Variants in ASXL2 observed in about 807,000 individuals in gnomAD.
ASXL2 encodes putative Polycomb group protein ASXL2.
Under a neutral mutation model 122.0 loss-of-function variants are expected in ASXL2, and 23 were observed. The observed-to-expected ratio is 0.19, with a 90% CI of 0.14 to 0.27. ASXL2 has a LOEUF of 0.27. Among genes scored for constraint, ASXL2 ranks in the 10% least tolerant of loss-of-function variants. ASXL2 has a pLI of 1.00. For missense variants in ASXL2, 1,518 were observed against 1,713.8 expected (o/e 0.89, Z 2.02); for synonymous variants, 650 against 637.0 (o/e 1.02, Z -0.31).
intron 1 of ASXL2, chr2:25,856,808 C>T: frequency 1.7e-6 from 2 of 1,158,804 alleles, no homozygotes; most frequent in Admixed American, 1.8e-5. Flanking sequence ...TGGTGACTGT[C>T]AGGTCATCCC....
chr2:25,870,350 C>T (rs996504028), intron 1 of ASXL2, among the ~76,000 whole-genome samples: 4 of 152,088 alleles, frequency 2.6e-5, no homozygotes, highest in Admixed American at 6.5e-5. Context: ...TGGTGAAACC[C>T]CATCTCTACT....
chr2:25,853,171 C>T (rs1015253707), intron 1 of ASXL2, among the ~76,000 whole-genome samples: 16 of 152,060 alleles, frequency 1.1e-4, no homozygotes, highest in Admixed American at 5.9e-4. Flanking sequence ...GTACTAGTTC[C>T]GATTTGATAC....
chr2:25,749,799 C>T lies in ASXL2; in HGVS notation c.1757G>A (p.Arg586His), dbSNP rs1315401967. ...CTGGTGCTGGCGATTCTCAGTGACA[C>T]GTGGCCTCTTCTCCCAGCTCACAGG... ...EAPVSWEKRPRVTENRQHQQP... is the reference protein window; with the variant it reads ...EAPVSWEKRPHVTENRQHQQP... The change falls in exon 12 of 13, where the codon CGT (arginine) becomes CAT (histidine). Residue 586 changes from arginine (R) to histidine (H), a missense_variant. Physicochemically the swap from Arg to His is conservative, Grantham distance 29. Transcript: ENST00000435504. The T allele has an allele frequency of 3.1e-6, 5 of 1,609,144 alleles. No homozygotes were observed. The highest frequency in any genetic ancestry group is 1.3e-5 in the African/African-American group (1 of 74,604).
chr2:25,864,477 T>C (rs1407098695), intron 1 of ASXL2, among the ~76,000 whole-genome samples: 1 of 152,136 alleles, frequency 6.6e-6, no homozygotes, highest in Non-Finnish European at 1.5e-5. Context: ...TTAAGACTTT[T>C]AGTGGCAGGT....
At position 25,765,282 on chromosome 2, in the gene ASXL2, A is replaced by G. The variant is rs376276164; in HGVS notation, c.775+2301T>C. On this transcript the variant is annotated intron_variant, in intron 8 of 12. Coordinates refer to ENST00000435504, the MANE Select transcript of ASXL2 (RefSeq NM_018263.6). Reference sequence around the variant, plus strand: ...GGGCAGATCACGAGGTCAGGAGATCAAGACCATCCTGGCTAACACAGTGAA... The same window carrying G: ...GGGCAGATCACGAGGTCAGGAGATCGAGACCATCCTGGCTAACACAGTGAA... 1.9e-3 allele frequency among the ~76,000 whole-genome samples: 294 copies of G among 152,146 alleles called. 7 individuals carry two copies. In the South Asian group the frequency reaches 0.036, roughly 18 times the overall value.
rs527342302 is a variant in ASXL2, at chr2:25,740,887, T to C, written c.*1142A>G. ...ATAAGATGATGTCATCCTGTTCAGA[T>C]GCCTGGGAGGTCAAAACAGGTTGAA... is the stretch of plus-strand genomic sequence containing the variant. On this transcript the variant is annotated 3_prime_UTR_variant, in exon 13 of 13. Transcript: ENST00000435504. 5.2e-6 allele frequency: 1 copy of C among 190,932 alleles called. No individual in the cohort carries two copies. The highest frequency in any genetic ancestry group is 1.9e-4 in the South Asian group (1 of 5,156). 11.8% of individuals were successfully genotyped at this position (190,932 alleles called of 1,614,324 possible). A position where few individuals can be genotyped will look rare whatever the true frequency, so the allele number is the denominator to read the frequency against.
intron 11 of ASXL2, among the ~76,000 whole-genome samples, chr2:25,751,946 A>AT (rs1024673939): frequency 2.1e-4 from 32 of 151,684 alleles, no homozygotes; most frequent in South Asian, 4.2e-4. Flanking sequence ...ATTTTTTGGT[A>AT]TTTTTTTTAG....
intron 5 of ASXL2, among the ~76,000 whole-genome samples, chr2:25,783,876 A>G (rs1175277433): frequency 1.3e-5 from 2 of 152,006 alleles, no homozygotes; most frequent in African/African-American, 4.8e-5. Context: ...CAACATGGTG[A>G]AACCCCGACT....
intron 1 of ASXL2, among the ~76,000 whole-genome samples, chr2:25,858,986 G>T (rs1457797782): frequency 6.6e-6 from 1 of 150,536 alleles, no homozygotes; most frequent in Non-Finnish European, 1.5e-5. Flanking sequence ...GCTAATTTTT[G>T]TATTTTTAGT....
At chr2:25,756,453 C>CAAAAAAAAAAAGAAAAAAAAAAAAAAA (rs2088135681) in intron 9 of ASXL2, among the ~76,000 whole-genome samples, 1 of 23,358 alleles carries the variant, frequency 4.3e-5, no homozygotes, top group Non-Finnish European at 9.5e-5. Context: ...CAGATAATGA[C>CAAAAAAAAAAAGAAAAAAAAAAAAAAA]AAAAAAAAAA....
Position 25,736,752 on chromosome 2 carries a change from C to T in ASXL2, c.*5277G>A, listed in dbSNP as rs2087742293. 1 of 151,810 alleles carries T rather than the reference C, an allele frequency of 6.6e-6. No homozygotes were observed. The highest frequency in any genetic ancestry group is 1.5e-5 in the Non-Finnish European group (1 of 67,976). 9.4% of individuals were successfully genotyped at this position (151,810 alleles called of 1,614,324 possible). A position where few individuals can be genotyped will look rare whatever the true frequency, so the allele number is the denominator to read the frequency against. ...GGCAATTATGGGAACTAGTGAACTA[C>T]AATAAAAAGTCAGTTTTATGGGTCA... On this transcript the variant is annotated 3_prime_UTR_variant, in exon 13 of 13. Coordinates refer to ENST00000435504, the MANE Select transcript of ASXL2 (RefSeq NM_018263.6).
rs774914918 is a variant in ASXL2 at position 25,742,800 on chromosome 2, ATCT to A, written c.3534_3536del (p.Glu1178del). On this transcript the variant is annotated inframe_deletion, in exon 13 of 13. Transcript: ENST00000435504. ...CACCAGTACTTTCCTCATCAGTGTC[ATCT>A]TCTTTGCTGCTGCTACTCTCTCCTG... 8.7e-6 allele frequency: 14 copies of A among 1,613,928 alleles called. No individual in the cohort carries two copies. In the East Asian group the frequency reaches 2.2e-4, roughly 26 times the overall value.
At chr2:25,846,249 CT>C (rs1412558926) in intron 1 of ASXL2, among the ~76,000 whole-genome samples, 3 of 152,138 alleles carry the variant, frequency 2.0e-5, no homozygotes, top group Non-Finnish European at 1.5e-5. Flanking sequence ...CCCCCCTTTC[CT>C]TTTTCTCCGC....
intron 4 of ASXL2, among the ~76,000 whole-genome samples, chr2:25,801,807 A>G (rs902084692): frequency 2.0e-4 from 30 of 152,110 alleles, no homozygotes; most frequent in Admixed American, 6.5e-4. Flanking sequence ...CCAAACAACC[A>G]TAACCACCTT....
At chr2:25,822,049 G>C (rs1391424784) in intron 3 of ASXL2, among the ~76,000 whole-genome samples, 1 of 152,198 alleles carries the variant, frequency 6.6e-6, no homozygotes, top group Non-Finnish European at 1.5e-5. Context: ...CTGGCAAGAA[G>C]CCTATCAACA....
intron 9 of ASXL2, among the ~76,000 whole-genome samples, chr2:25,757,444 C>G (rs905347687): frequency 3.3e-5 from 5 of 149,428 alleles, no homozygotes; most frequent in Non-Finnish European, 7.4e-5. Context: ...CGAAAGCACC[C>G]TGGCTAACAT....
Position 25,744,729 on chromosome 2 carries a change from T to C in ASXL2, c.1861-253A>G, listed in dbSNP as rs962606266. ...TCTCACCCCAAATCCCCACACCTCT[T>C]TTCCTATCTCAACTCCCTCCTAATG... On this transcript the variant is annotated intron_variant, in intron 12 of 12. Coordinates refer to ENST00000435504, the MANE Select transcript of ASXL2 (RefSeq NM_018263.6). This position sits in a 1 kb window ranked among gnomAD's most constrained non-coding sequence, Gnocchi z 4.7. Among the ~76,000 whole-genome samples, 1 of 152,172 alleles carries C rather than the reference T, an allele frequency of 6.6e-6. No individual in the cohort carries two copies. Among genetic ancestry groups the C allele is most frequent in the African/African-American group, 2.4e-5 (1 of 41,444 alleles).
At chr2:25,803,673 T>C (rs1445835228) in intron 4 of ASXL2, among the ~76,000 whole-genome samples, 1 of 152,174 alleles carries the variant, frequency 6.6e-6, no homozygotes, top group Non-Finnish European at 1.5e-5. Flanking sequence ...GGCATTAGAT[T>C]CTCATACAGA....
chr2:25,792,655 T>C (rs1559512731), intron 5 of ASXL2, among the ~76,000 whole-genome samples: 1 of 151,838 alleles, frequency 6.6e-6, no homozygotes, highest in African/African-American at 2.4e-5. Context: ...CAGGCTAGAG[T>C]GGAGTGGCGT....
Sources: allele counts gnomAD v4.1 joint callset (sites outside exome capture counted in the v4.1 genomes callset), GRCh38; gene constraint gnomAD v4.1.1; non-coding constraint Gnocchi (gnomAD v3.1); transcripts MANE v1.5; gene names NCBI Gene and HGNC (gene_info 2026-07-23, HGNC 2026-07-21).